TAP2: variants seen among roughly 807,000 people sequenced by gnomAD.
The protein encoded by TAP2 is antigen peptide transporter 2.
TAP2 carries 49 observed loss-of-function variants against 74.7 expected under a neutral mutation model. The observed-to-expected ratio is 0.66, with a 90% CI of 0.52 to 0.83. The LOEUF (loss-of-function observed/expected upper bound fraction) is 0.83, where lower values mean the gene tolerates loss of function less well. Ranked by LOEUF, TAP2 falls within the 40% of genes least tolerant of loss-of-function variation. The probability of loss-of-function intolerance (pLI) is 0.00; values close to 1 mark genes in which losing one functional copy is unlikely to be tolerated. For synonymous variants in TAP2, 306 were observed against 368.4 expected (o/e 0.83, Z 1.94); for missense variants, 739 against 859.0 (o/e 0.86, Z 1.75).
chr6:32,835,979 G>T lies in TAP2; in HGVS notation c.609-206C>A, dbSNP rs1047024502. On this transcript the variant is annotated intron_variant, in intron 3 of 11. Transcript: ENST00000374897. This position sits in a 1 kb window ranked among gnomAD's most constrained non-coding sequence, Gnocchi z 4.0. ...AGAGGAAGAAGAAAGAGGAGACATG[G>T]TGAGCTAGATGTGAGAACAAAATCA... Among the ~76,000 whole-genome samples the T allele has an allele frequency of 1.3e-5, 2 of 152,068 alleles. No homozygotes were observed. The highest frequency in any genetic ancestry group is 2.9e-5 in the Non-Finnish European group (2 of 68,014).
At chr6:32,822,416 C>T (rs1186895070), downstream of TAP2, 14 of 792,486 alleles carry the variant, frequency 1.8e-5, no homozygotes, top group Non-Finnish European at 2.4e-5. Context: ...ATTTTTGTGT[C>T]AGTATAATAA....
At position 32,832,482 on chromosome 6, in the gene TAP2, G is replaced by A. The variant is rs1452941338; in HGVS notation, c.1144-21C>T. 1 of 1,611,682 alleles carries A rather than the reference G, an allele frequency of 6.2e-7. No individual in the cohort carries two copies. Among genetic ancestry groups the A allele is most frequent in the African/African-American group, 1.3e-5 (1 of 74,866 alleles). On this transcript the variant is annotated intron_variant, in intron 6 of 11. Coordinates refer to ENST00000374897, the MANE Select transcript of TAP2 (RefSeq NM_001290043.2). The surrounding 1 kb of genome is among the most constrained non-coding windows in gnomAD (Gnocchi z 5.9). ...AGCACCTGGAAGAGGAGAAGAAAGA[G>A]ATGAGGCTGGGAATCTTCCCATTCT...
Position 32,826,654 on chromosome 6 carries a change from T to G in TAP2, c.*2252A>C. Reference sequence around the variant, plus strand: ...ACTTTCAGGACATCTTAAGGTCTACTGCATCTTCCTGTACTGCCCATCAAG... The same window carrying G: ...ACTTTCAGGACATCTTAAGGTCTACGGCATCTTCCTGTACTGCCCATCAAG... On this transcript the variant is annotated 3_prime_UTR_variant, in exon 12 of 12. Coordinates refer to ENST00000374897, the MANE Select transcript of TAP2 (RefSeq NM_001290043.2). The G allele has an allele frequency of 1.0e-6, 1 of 985,448 alleles. No individual in the cohort carries two copies. The highest frequency in any genetic ancestry group is 1.2e-6 in the Non-Finnish European group (1 of 829,924). 61.0% of individuals were successfully genotyped at this position (985,448 alleles called of 1,614,324 possible).
Position 32,828,679 on chromosome 6 carries a change from C to CACCCCCCCCCCCCCCCCCCCCCCCCA in TAP2, c.*226_*227insTGGGGGGGGGGGGGGGGGGGGGGGGT. 1.1e-6 allele frequency: 1 copy of CACCCCCCCCCCCCCCCCCCCCCCCCA among 948,134 alleles called. No homozygotes were observed. The highest frequency in any genetic ancestry group is 4.3e-5 in the South Asian group (1 of 23,288). 58.7% of individuals were successfully genotyped at this position (948,134 alleles called of 1,614,324 possible). On this transcript the variant is annotated 3_prime_UTR_variant, in exon 12 of 12. Coordinates refer to ENST00000374897, the MANE Select transcript of TAP2 (RefSeq NM_001290043.2). ...TAAGTTTCCTGGACACAGACAGCCC[C>CACCCCCCCCCCCCCCCCCCCCCCCCA]CACCCCACCCCACCCCACCTCTCTA...
At chr6:32,830,497 T>C (rs1378908738) in intron 8 of TAP2, 57 bp from the exon 9 acceptor site, 3 of 1,592,230 alleles carry the variant, frequency 1.9e-6, no homozygotes, top group African/African-American at 1.3e-5. Flanking sequence ...AATCCCTCCA[T>C]TTCTCTTCTT....
At position 32,828,033 on chromosome 6, in the gene TAP2, A is replaced by G. The variant is rs1768768934; in HGVS notation, c.*873T>C. 1.0e-6 allele frequency: 1 copy of G among 982,618 alleles called. No homozygotes were observed. Among genetic ancestry groups the G allele is most frequent in the Admixed American group, 6.2e-5 (1 of 16,254 alleles). 60.9% of individuals were successfully genotyped at this position (982,618 alleles called of 1,614,324 possible). A position where few individuals can be genotyped will look rare whatever the true frequency, so the allele number is the denominator to read the frequency against. ...AGGGTTTATGGACCCAAGATGCAAT[A>G]TAATTGATTGGGTCAGGGTGTGGAC... On this transcript the variant is annotated 3_prime_UTR_variant, in exon 12 of 12. Coordinates refer to ENST00000374897, the MANE Select transcript of TAP2 (RefSeq NM_001290043.2).
Position 32,830,639 on chromosome 6 carries a change from G to T in TAP2, c.1440C>A (p.Arg480=). 6.8e-6 allele frequency: 11 copies of T among 1,613,114 alleles called. No homozygotes were observed. The highest frequency in any genetic ancestry group is 9.3e-6 in the Non-Finnish European group (11 of 1,180,024). The change falls in exon 8 of 12, where the codon CGC becomes CGA. Residue 480 remains arginine (R), a synonymous_variant. Transcript: ENST00000374897. ...FQDVSFAYPN[R]PDRPVLKGLT... The stretch of plus-strand genomic sequence containing the variant: ...GCACCTTGAGCACAGGCCTGTCAGG[G>T]CGATTGGGATATGCAAAGGAGACGT...
In TAP2 at chr6:32,826,014, A is replaced by G; in HGVS notation, c.*2892T>C. 4 of 985,442 alleles carry G rather than the reference A, an allele frequency of 4.1e-6. No individual in the cohort carries two copies. Among genetic ancestry groups the G allele is most frequent in the Non-Finnish European group, 4.8e-6 (4 of 829,900 alleles). 61.0% of individuals were successfully genotyped at this position (985,442 alleles called of 1,614,324 possible). On this transcript the variant is annotated 3_prime_UTR_variant, in exon 12 of 12. Coordinates refer to ENST00000374897, the MANE Select transcript of TAP2 (RefSeq NM_001290043.2). ...GTAGTAGTCTAATTCCTAAGAGTCC[A>G]TGGAACTCTAGGTTCAAAACCCAGT...
At chr6:32,825,011 G>A (rs565830237), downstream of TAP2, among the ~76,000 whole-genome samples, 2 of 151,394 alleles carry the variant, frequency 1.3e-5, no homozygotes, top group East Asian at 1.9e-4. Flanking sequence ...ATCCTTCTGG[G>A]TTTAGTATCT....
chr6:32,822,526 T>C (rs976900285), downstream of TAP2, among the ~76,000 whole-genome samples: 3 of 151,438 alleles, frequency 2.0e-5, no homozygotes, highest in African/African-American at 7.4e-5. Flanking sequence ...CATTGAGCCA[T>C]TTAATTTTTG....
intron 3 of TAP2, 90 bp downstream of exon 3, chr6:32,837,447 G>A (rs541486385): frequency 5.7e-6 from 6 of 1,058,236 alleles, no homozygotes; most frequent in South Asian, 1.3e-5. Context: ...TGTGTTTTGC[G>A]CCTGAAAGGG....
Position 32,826,808 on chromosome 6 carries a change from T to C in TAP2, c.*2098A>G, listed in dbSNP as rs1372835234. ...GGCTTAAAGTATTATGATGCATGGGTATAACTGTACTGAGGAAATCAAAGA... is the reference window on the plus strand; with the variant it reads ...GGCTTAAAGTATTATGATGCATGGGCATAACTGTACTGAGGAAATCAAAGA... On this transcript the variant is annotated 3_prime_UTR_variant, in exon 12 of 12. Coordinates refer to ENST00000374897, the MANE Select transcript of TAP2 (RefSeq NM_001290043.2). 1.7e-5 allele frequency: 17 copies of C among 985,342 alleles called. No individual in the cohort carries two copies. The highest frequency in any genetic ancestry group is 2.0e-5 in the Non-Finnish European group (17 of 829,942). The allele number at this position is 985,342 out of a possible 1,614,324, so 61.0% of individuals were successfully genotyped here.
chr6:32,832,361 T>G lies in TAP2; in HGVS notation c.1244A>C (p.Tyr415Ser), dbSNP rs1393714631. 1 of 1,612,894 alleles carries G rather than the reference T, an allele frequency of 6.2e-7. No individual in the cohort carries two copies. Among genetic ancestry groups the G allele is most frequent in the East Asian group, 2.2e-5 (1 of 44,900 alleles). ...TQGSLLSFMI[Y>S]QESVGSYVQT... The stretch of plus-strand genomic sequence containing the variant: ...CACATAGCTCCCCACGCTCTCCTGG[T>G]AGATCATAAAGGAAAGCAGGCTGCC... The change falls in exon 7 of 12, where the codon TAC (tyrosine) becomes TCC (serine). Residue 415 changes from tyrosine to serine, a missense_variant. Physicochemically the swap from Tyr to Ser is moderately radical, Grantham distance 144. Transcript: ENST00000374897. The surrounding 1 kb of genome is among the most constrained non-coding windows in gnomAD (Gnocchi z 5.9).
At chr6:32,829,144 G>T in intron 11 of TAP2, 110 bp from the exon 12 acceptor site, 1 of 1,505,074 alleles carries the variant, frequency 6.6e-7, no homozygotes, top group South Asian at 1.2e-5. Context: ...AATAAAAGAA[G>T]GTAGGAAAGG....
rs955216451 is a variant in TAP2, at chr6:32,830,452, G to C, written c.1462-12C>G. On this transcript the variant is annotated splice_polypyrimidine_tract_variant and intron_variant, in intron 8 of 11. Transcript: ENST00000374897. ...GTAAACGTCAGCCCCTAGAAAACCA[G>C]AAAAAGAGTTAAGGGCCTGCCCCTT... The C allele has an allele frequency of 1.2e-6, 2 of 1,610,202 alleles. No individual in the cohort carries two copies. Among genetic ancestry groups the C allele is most frequent in the Admixed American group, 3.4e-5 (2 of 59,436 alleles).
rs760423636 is a variant in TAP2, at chr6:32,830,666, T to C, written c.1413A>G (p.Gln471=). The part of the protein sequence containing the change: ...PTTLQGVVKF[Q]DVSFAYPNRP... ...GATTGGGATATGCAAAGGAGACGTCTTGGAATTTCACAACCCCCTGCAGAG... is the reference window on the plus strand; with the variant it reads ...GATTGGGATATGCAAAGGAGACGTCCTGGAATTTCACAACCCCCTGCAGAG... The change falls in exon 8 of 12, where the codon CAA becomes CAG. Residue 471 remains glutamine (Q), a synonymous_variant. Coordinates refer to ENST00000374897, the MANE Select transcript of TAP2 (RefSeq NM_001290043.2). 6.2e-7 allele frequency: 1 copy of C among 1,613,102 alleles called. No homozygotes were observed. Among genetic ancestry groups the C allele is most frequent in the Non-Finnish European group, 8.5e-7 (1 of 1,180,042 alleles).
chr6:32,835,020 C>T lies in TAP2; in HGVS notation c.945+134G>A, dbSNP rs183664965. 3.0e-4 allele frequency: 274 copies of T among 917,832 alleles called. 2 individuals are homozygous for T. The highest frequency in any genetic ancestry group is 1.1e-3 in the South Asian group (80 of 70,836). The allele number at this position is 917,832 out of a possible 1,614,324, so 56.9% of individuals were successfully genotyped here. A position where few individuals can be genotyped will look rare whatever the true frequency, so the allele number is the denominator to read the frequency against. ...CTGGACAAACAAAATGTAGTATATACTACAATATACCTTCTCCCCTAATGG... is the reference window on the plus strand; with the variant it reads ...CTGGACAAACAAAATGTAGTATATATTACAATATACCTTCTCCCCTAATGG... On this transcript the variant is annotated intron_variant, in intron 5 of 11. Transcript: ENST00000374897. This position sits in a 1 kb window ranked among gnomAD's most constrained non-coding sequence, Gnocchi z 4.0.
Position 32,837,582 on chromosome 6 carries a change from G to C in TAP2, c.563C>G (p.Ala188Gly), listed in dbSNP as rs141813327. The C allele has an allele frequency of 1.9e-6, 3 of 1,614,138 alleles. No homozygotes were observed. The highest frequency in any genetic ancestry group is 1.7e-5 in the Admixed American group (1 of 60,020). ...DILGGDFDPH[A>G]FASAIFFMCL... ...CATGAAGAAGATGGCACTGGCAAAGGCATGGGGGTCAAAATCACCTCCCAG... is the reference window on the plus strand; with the variant it reads ...CATGAAGAAGATGGCACTGGCAAAGCCATGGGGGTCAAAATCACCTCCCAG... Residue 188 changes from alanine (A) to glycine (G), a missense_variant, in exon 3 of 12, where the codon GCC (alanine) becomes GGC (glycine). Physicochemically the swap from Ala to Gly is moderately conservative, Grantham distance 60 (BLOSUM62 0). Transcript: ENST00000374897.
In TAP2 at chr6:32,826,839, T is replaced by A; in HGVS notation, c.*2067A>T. 1.0e-6 allele frequency: 1 copy of A among 985,478 alleles called. No individual in the cohort carries two copies. The highest frequency in any genetic ancestry group is 1.2e-6 in the Non-Finnish European group (1 of 829,938). The allele number at this position is 985,478 out of a possible 1,614,324, so 61.0% of individuals were successfully genotyped here. A position where few individuals can be genotyped will look rare whatever the true frequency, so the allele number is the denominator to read the frequency against. On this transcript the variant is annotated 3_prime_UTR_variant, in exon 12 of 12. Transcript: ENST00000374897. ...TGTACTGAGGAAATCAAAGAATTTC[T>A]CAGATCATCTTCTTCTGTGAGGGCT...
Sources: allele counts gnomAD v4.1 joint callset (sites outside exome capture counted in the v4.1 genomes callset), GRCh38; gene constraint gnomAD v4.1.1; non-coding constraint Gnocchi (gnomAD v3.1); transcripts MANE v1.5; gene names NCBI Gene and HGNC (gene_info 2026-07-23, HGNC 2026-07-21).